RYK: variants seen among roughly 807,000 people sequenced by gnomAD.
RYK encodes receptor like tyrosine kinase, also known as inactive tyrosine-protein kinase RYK.
RYK carries 21 observed loss-of-function variants against 70.2 expected under a neutral mutation model. The observed-to-expected ratio is 0.30, with a 90% CI of 0.21 to 0.43. The LOEUF is 0.43. RYK is among the 20% of genes least tolerant of loss of function. The pLI, the probability that RYK is intolerant of heterozygous loss-of-function variation, is 1.00. For missense variants in RYK, 604 were observed against 753.3 expected (o/e 0.80, Z 2.32); for synonymous variants, 267 against 278.0 (o/e 0.96, Z 0.39).
intron 13 of RYK, among the ~76,000 whole-genome samples, chr3:134,165,267 CT>C (rs1030533332): frequency 5.9e-5 from 9 of 152,142 alleles, no homozygotes; most frequent in Non-Finnish European, 8.8e-5. Context: ...GTTTTAGTAG[CT>C]TTTTTGTATA....
chr3:134,159,397 T>G (rs778409578), intron 13 of RYK, 24 bp from the exon 14 acceptor site: 6 of 1,561,760 alleles, frequency 3.8e-6, no homozygotes, highest in Non-Finnish European at 5.2e-6. Flanking sequence ...AGAAGCACAA[T>G]GAGGGGACAT....
intron 13 of RYK, among the ~76,000 whole-genome samples, chr3:134,167,670 A>G (rs895211430): frequency 6.6e-6 from 1 of 152,196 alleles, no homozygotes; most frequent in Non-Finnish European, 1.5e-5. Context: ...CCATAAAAAC[A>G]ATAGAAGAAA....
intron 13 of RYK, among the ~76,000 whole-genome samples, chr3:134,165,073 T>C (rs1347786287): frequency 6.6e-6 from 1 of 152,284 alleles, no homozygotes; most frequent in East Asian, 1.9e-4. Flanking sequence ...GTATGTATTA[T>C]TTAATTTCTC....
chr3:134,168,339 C>T (rs748830604), intron 13 of RYK, among the ~76,000 whole-genome samples: 20 of 152,136 alleles, frequency 1.3e-4, no homozygotes, highest in Non-Finnish European at 2.5e-4. Flanking sequence ...TATTGAGGCA[C>T]TATTCACGAC....
intron 13 of RYK, among the ~76,000 whole-genome samples, chr3:134,172,126 A>C (rs2012934116): frequency 6.6e-6 from 1 of 152,210 alleles, no homozygotes; most frequent in Non-Finnish European, 1.5e-5. Flanking sequence ...CTATATTTCA[A>C]TAAATAACAA....
chr3:134,238,876 A>C (rs1306336922), intron 1 of RYK, among the ~76,000 whole-genome samples: 1 of 152,346 alleles, frequency 6.6e-6, no homozygotes, highest in South Asian at 2.1e-4. Context: ...GGGAAAAAAA[A>C]TTAGAAATTG....
At chr3:134,173,294 T>A (rs368369117) in intron 13 of RYK, among the ~76,000 whole-genome samples, 9 of 149,368 alleles carry the variant, frequency 6.0e-5, no homozygotes, top group South Asian at 2.2e-4. Context: ...AAAAAAAAAA[T>A]TTAAAAATTA....
At chr3:134,244,605 A>G (rs1164923661) in intron 1 of RYK, among the ~76,000 whole-genome samples, 1 of 152,104 alleles carries the variant, frequency 6.6e-6, no homozygotes, top group African/African-American at 2.4e-5. Flanking sequence ...CAAGCGATGA[A>G]CCAGGGCCCA....
intron 1 of RYK, among the ~76,000 whole-genome samples, chr3:134,223,964 C>T (rs1186984565): frequency 6.6e-6 from 1 of 152,146 alleles, no homozygotes; most frequent in Non-Finnish European, 1.5e-5. Context: ...CGTTTCTGAA[C>T]TAGGTGTAAT....
chr3:134,231,766 C>T (rs1288101630), intron 1 of RYK, among the ~76,000 whole-genome samples: 2 of 152,176 alleles, frequency 1.3e-5, no homozygotes. Flanking sequence ...CAGATGACTG[C>T]TTGAGCACCC....
chr3:134,158,315 T>C (rs2012322255), intron 14 of RYK, 51 bp from the exon 15 acceptor site: 2 of 1,215,762 alleles, frequency 1.6e-6, no homozygotes, highest in Non-Finnish European at 2.3e-6. Flanking sequence ...ACAGTATTCA[T>C]AACTTTTGCT....
intron 1 of RYK, among the ~76,000 whole-genome samples, chr3:134,235,291 G>A (rs1456117263): frequency 6.6e-6 from 1 of 150,948 alleles, no homozygotes; most frequent in Non-Finnish European, 1.5e-5. Flanking sequence ...GTCAATGCAT[G>A]GTTAATATAT....
chr3:134,191,946 GTTC>G lies in RYK; in HGVS notation c.915_917del (p.Lys305del), dbSNP rs2013653878. ...CCAAAAGAGTGACACTTCTCAAGTCGTTCTTCTCTATCCGCAAGGTAGGATAAC... is the reference window on the plus strand; with the variant it reads ...CCAAAAGAGTGACACTTCTCAAGTCGTTCTCTATCCGCAAGGTAGGATAAC... On this transcript the variant is annotated inframe_deletion, in exon 8 of 15. Transcript: ENST00000623711. 1 of 1,613,234 alleles carries G rather than the reference GTTC, an allele frequency of 6.2e-7. No homozygotes were observed. The highest frequency in any genetic ancestry group is 1.3e-5 in the African/African-American group (1 of 74,990).
At chr3:134,171,647 G>A (rs1458917382) in intron 13 of RYK, among the ~76,000 whole-genome samples, 1 of 152,084 alleles carries the variant, frequency 6.6e-6, no homozygotes. Context: ...CAGGAGGATC[G>A]CTTGAGCTTA....
chr3:134,159,263 G>A lies in RYK; in HGVS notation c.1686C>T (p.Ala562=), dbSNP rs1361965142. The change falls in exon 14 of 15, where the codon GCC becomes GCT. Residue 562 remains alanine (A), a synonymous_variant. Coordinates refer to ENST00000623711, the MANE Select transcript of RYK (RefSeq NM_002958.4). ...AAYLKDGYRI[A]QPINCPDELF... ...ATTCATCAGGACAGTTGATTGGCTG[G>A]GCTATTCGGTAACCATCTTTCAGGT... is the stretch of plus-strand genomic sequence containing the variant. 6.2e-7 allele frequency: 1 copy of A among 1,613,836 alleles called. No individual in the cohort carries two copies. The highest frequency in any genetic ancestry group is 2.2e-5 in the East Asian group (1 of 44,878).
intron 1 of RYK, among the ~76,000 whole-genome samples, chr3:134,229,380 G>A (rs4682667): frequency 0.75 from 96,441 of 129,314 alleles, 35,240 homozygotes; most frequent in East Asian, 0.98. Flanking sequence ...CTTTGGGCTG[G>A]AAAAAAAAAA....
chr3:134,248,659 A>G (rs945171892), intron 1 of RYK, among the ~76,000 whole-genome samples: 1 of 151,882 alleles, frequency 6.6e-6, no homozygotes, highest in Non-Finnish European at 1.5e-5. Flanking sequence ...TCTACTAAAA[A>G]TACAAAAAAT....
At chr3:134,188,163 A>AT (rs201166804) in intron 9 of RYK, among the ~76,000 whole-genome samples, 26,535 of 87,864 alleles carry the variant, frequency 0.3, 3,577 homozygotes, top group Middle Eastern at 0.44. Flanking sequence ...ATATATATAT[A>AT]TATATTTTTT....
At chr3:134,183,269 A>T in intron 9 of RYK, 198 bp from the exon 10 acceptor site, 1 of 360,338 alleles carries the variant, frequency 2.8e-6, no homozygotes, top group Non-Finnish European at 5.0e-6. Flanking sequence ...AGAAATTTTT[A>T]TATTAAAATC....
Sources: gnomAD v4.1 joint callset for allele counts (sites outside exome capture counted in the v4.1 genomes callset) on GRCh38, gnomAD v4.1.1 for gene constraint, MANE v1.5 for transcripts, NCBI Gene and HGNC (gene_info 2026-07-23, HGNC 2026-07-21) for gene names.